ZYX: variants seen among roughly 807,000 people sequenced by gnomAD.
The protein encoded by ZYX is zyxin-2.
Under a neutral mutation model 58.1 loss-of-function variants are expected in ZYX, and 37 were observed. The observed-to-expected ratio is 0.64, with a 90% CI of 0.49 to 0.84. ZYX has a LOEUF of 0.84. Among genes scored for constraint, ZYX ranks in the 40% least tolerant of loss-of-function variants. The pLI is 0.00. For missense variants in ZYX, 762 were observed against 761.6 expected (o/e 1.00, Z -0.01); for synonymous variants, 324 against 321.1 (o/e 1.01, Z -0.10).
In ZYX at chr7:143,381,719, C is replaced by G. The variant is rs935912584; in HGVS notation, c.148C>G (p.Pro50Ala). 1.2e-6 allele frequency: 2 copies of G among 1,602,072 alleles called. No homozygotes were observed. Among genetic ancestry groups the G allele is most frequent in the African/African-American group, 2.7e-5 (2 of 74,478 alleles). Reference sequence around the variant, plus strand: ...CGGGGACAGCGAGCCTCCCCCGGCACCCGGGGCCCAGCGCGCACAGATGGG... The same window carrying G: ...CGGGGACAGCGAGCCTCCCCCGGCAGCCGGGGCCCAGCGCGCACAGATGGG... The part of the protein sequence containing the change: ...RPGDSEPPPA[P>A]GAQRAQMGRV... The change falls in exon 2 of 10, where the codon CCC becomes GCC. Residue 50 changes from proline to alanine, a missense_variant. Physicochemically the swap from Pro to Ala is conservative, Grantham distance 27 (BLOSUM62 -1). Transcript: ENST00000322764.
At chr7:143,385,696 G>C (rs1380624766) in intron 5 of ZYX, among the ~76,000 whole-genome samples, 1 of 112,372 alleles carries the variant, frequency 8.9e-6, no homozygotes, top group African/African-American at 3.3e-5. Flanking sequence ...TGGAGACGGA[G>C]TGCAGGCTGT....
At position 143,390,985 on chromosome 7, in the gene ZYX, G is replaced by A; in HGVS notation, c.*303G>A. ...ACTGCTGCACCCGCGCCCTCGGCCGGCCCCCCGAGCAGCCTTTGTACTCTG... is the reference window on the plus strand; with the variant it reads ...ACTGCTGCACCCGCGCCCTCGGCCGACCCCCCGAGCAGCCTTTGTACTCTG... On this transcript the variant is annotated 3_prime_UTR_variant, in exon 10 of 10. Transcript: ENST00000322764. This position sits in a 1 kb window ranked among gnomAD's most constrained non-coding sequence, Gnocchi z 4.3. 1 of 400,318 alleles carries A rather than the reference G, an allele frequency of 2.5e-6. No individual in the cohort carries two copies. Among genetic ancestry groups the A allele is most frequent in the South Asian group, 2.8e-5 (1 of 36,042 alleles). The allele number at this position is 400,318 out of a possible 1,614,324, so 24.8% of individuals were successfully genotyped here.
chr7:143,383,370 G>T, intron 5 of ZYX, 48 bp downstream of exon 5: 1 of 1,538,004 alleles, frequency 6.5e-7, no homozygotes. Flanking sequence ...CACTGGGGCG[G>T]GGCTGGGTCA....
rs1805041107 is a variant in ZYX, at chr7:143,390,745, C to T, written c.*63C>T. 1.8e-5 allele frequency: 21 copies of T among 1,150,150 alleles called. 1 individual carries two copies. The South Asian group carries it at 2.5e-4, about 14-fold the overall frequency. 71.2% of individuals were successfully genotyped at this position (1,150,150 alleles called of 1,614,324 possible). A position where few individuals can be genotyped will look rare whatever the true frequency, so the allele number is the denominator to read the frequency against. ...CATTGTGGACCACCCACACTGAGAC[C>T]ACCTGCCCCCACCTCAGTTATTGTT... On this transcript the variant is annotated 3_prime_UTR_variant, in exon 10 of 10. Transcript: ENST00000322764. The surrounding 1 kb of genome is among the most constrained non-coding windows in gnomAD (Gnocchi z 4.3).
chr7:143,383,408 T>C lies in ZYX; in HGVS notation c.1023+86T>C, dbSNP rs73456483. ...AGCCAGAGCATAAGCATAAGGTGAT[T>C]GGAGAGTCAGGGTGGACACGGGGGT... On this transcript the variant is annotated intron_variant, in intron 5 of 9. Transcript: ENST00000322764. 3.0e-3 allele frequency: 4,357 copies of C among 1,452,772 alleles called. 93 individuals are homozygous for C. The African/African-American group carries it at 0.052, about 17-fold the overall frequency. 90.0% of individuals were successfully genotyped at this position (1,452,772 alleles called of 1,614,324 possible). A position where few individuals can be genotyped will look rare whatever the true frequency, so the allele number is the denominator to read the frequency against.
chr7:143,385,656 A>ATTTTT (rs1261838329), intron 5 of ZYX, among the ~76,000 whole-genome samples: 1 of 93,252 alleles, frequency 1.1e-5, no homozygotes, highest in Non-Finnish European at 2.1e-5. Context: ...GTGGTGTGGT[A>ATTTTT]TATCTTTTTT....
intron 2 of ZYX, 115 bp from the exon 3 acceptor site, chr7:143,382,133 A>G (rs2116553413): frequency 1.1e-6 from 1 of 901,374 alleles, no homozygotes; most frequent in Non-Finnish European, 1.6e-6. Context: ...GCTTCCCCAC[A>G]CGCTCTGGGA....
Position 143,388,555 on chromosome 7 carries a change from T to C in ZYX, c.1211T>C (p.Leu404Pro). Residue 404 changes from leucine to proline, a missense_variant, in exon 7 of 10, where the codon CTG (leucine) becomes CCG (proline). By Grantham distance (98) the Leu-to-Pro change is moderately conservative. Coordinates refer to ENST00000322764, the MANE Select transcript of ZYX (RefSeq NM_003461.5). This position sits in a 1 kb window ranked among gnomAD's most constrained non-coding sequence, Gnocchi z 7.5. ...CCAGCCGTCCGCGCTCTAGGGCAGC[T>C]GTTCCACATCGCCTGCTTCACCTGC... is the stretch of plus-strand genomic sequence containing the variant. ...AQPAVRALGQ[L>P]FHIACFTCHQ... 1 of 1,611,760 alleles carries C rather than the reference T, an allele frequency of 6.2e-7. No individual in the cohort carries two copies. Among genetic ancestry groups the C allele is most frequent in the Non-Finnish European group, 8.5e-7 (1 of 1,179,980 alleles).
At position 143,381,567 on chromosome 7, in the gene ZYX, C is replaced by G. The variant is rs1804580692; in HGVS notation, c.-5C>G. Reference sequence around the variant, plus strand: ...GGCGACCCACCCCAGCAGCCCGGCCCGGCCATGGCGGCCCCCCGCCCGTCT... The same window carrying G: ...GGCGACCCACCCCAGCAGCCCGGCCGGGCCATGGCGGCCCCCCGCCCGTCT... On this transcript the variant is annotated 5_prime_UTR_variant, in exon 2 of 10. Transcript: ENST00000322764. The G allele has an allele frequency of 6.2e-7, 1 of 1,609,324 alleles. No individual in the cohort carries two copies. The highest frequency in any genetic ancestry group is 8.5e-7 in the Non-Finnish European group (1 of 1,178,338).
At position 143,383,027 on chromosome 7, in the gene ZYX, A is replaced by G; in HGVS notation, c.728A>G (p.Gln243Arg). The G allele has an allele frequency of 6.2e-7, 1 of 1,614,086 alleles. No homozygotes were observed. Among genetic ancestry groups the G allele is most frequent in the South Asian group, 1.1e-5 (1 of 91,078 alleles). Reference sequence around the variant, plus strand: ...CAACTCCATGTCCAGTCCCAGACCCAGCCTGTGTCTTTGGCTAACACCCAG... The same window carrying G: ...CAACTCCATGTCCAGTCCCAGACCCGGCCTGTGTCTTTGGCTAACACCCAG... Reference protein sequence around the residue: ...QVQLHVQSQTQPVSLANTQPR... With the variant: ...QVQLHVQSQTRPVSLANTQPR... The change falls in exon 5 of 10, where the codon CAG becomes CGG. Residue 243 changes from glutamine (Q) to arginine (R), a missense_variant. By Grantham distance (43) the Gln-to-Arg change is conservative. Coordinates refer to ENST00000322764, the MANE Select transcript of ZYX (RefSeq NM_003461.5).
Position 143,389,883 on chromosome 7 carries a change from G to A in ZYX, c.1520G>A (p.Cys507Tyr), listed in dbSNP as rs1482077647. ...CAGTACGCCCCGAGGTGCTCCGTCT[G>A]CTCTGAGCCCATCATGCCTGAGCCT... Reference protein sequence around the residue: ...HKQYAPRCSVCSEPIMPEPGR... With the variant: ...HKQYAPRCSVYSEPIMPEPGR... The change falls in exon 9 of 10, where the codon TGC (cysteine) becomes TAC (tyrosine). Residue 507 changes from cysteine (C) to tyrosine (Y), a missense_variant. Coordinates refer to ENST00000322764, the MANE Select transcript of ZYX (RefSeq NM_003461.5). The surrounding 1 kb of genome is among the most constrained non-coding windows in gnomAD (Gnocchi z 5.6). 6.2e-7 allele frequency: 1 copy of A among 1,614,134 alleles called. No homozygotes were observed. The highest frequency in any genetic ancestry group is 1.1e-5 in the South Asian group (1 of 91,088).
In ZYX at chr7:143,384,993, A is replaced by G. The variant is rs114797432; in HGVS notation, c.1023+1671A>G. Among the ~76,000 whole-genome samples the G allele has an allele frequency of 0.013, 1,906 of 152,190 alleles. 43 individuals are homozygous for G. Among genetic ancestry groups the G allele is most frequent in the African/African-American group, 0.044 (1,825 of 41,502 alleles). ...GGTAGTGGGGCACAGTGACACTGTG[A>G]CGCTGGAGGGTCAGGGTCGGAGCGG... On this transcript the variant is annotated intron_variant, in intron 5 of 9. Coordinates refer to ENST00000322764, the MANE Select transcript of ZYX (RefSeq NM_003461.5). The surrounding 1 kb of genome is among the most constrained non-coding windows in gnomAD (Gnocchi z 4.9).
chr7:143,388,530 C>T lies in ZYX; in HGVS notation c.1186C>T (p.Pro396Ser), dbSNP rs749076750. 2 of 1,610,652 alleles carry T rather than the reference C, an allele frequency of 1.2e-6. No homozygotes were observed. The highest frequency in any genetic ancestry group is 2.2e-5 in the South Asian group (2 of 91,076). ...RCHQPLARAQ[P>S]AVRALGQLFH... ...CCATCAACCCCTGGCCCGGGCGCAG[C>T]CAGCCGTCCGCGCTCTAGGGCAGCT... Residue 396 changes from proline (P) to serine (S), a missense_variant, in exon 7 of 10, where the codon CCA (proline) becomes TCA (serine). Transcript: ENST00000322764. This position sits in a 1 kb window ranked among gnomAD's most constrained non-coding sequence, Gnocchi z 7.5.
Position 143,387,188 on chromosome 7 carries a change from A to C in ZYX, c.1024-1031A>C, listed in dbSNP as rs1804892268. On this transcript the variant is annotated intron_variant, in intron 5 of 9. Coordinates refer to ENST00000322764, the MANE Select transcript of ZYX (RefSeq NM_003461.5). The surrounding 1 kb of genome is among the most constrained non-coding windows in gnomAD (Gnocchi z 5.8). ...GGCTAAGATCTGGAGAGTTGGACTT[A>C]TATGGACGCATGCTTCACTGGGCAG... 6.6e-6 allele frequency among the ~76,000 whole-genome samples: 1 copy of C among 152,096 alleles called. No individual in the cohort carries two copies. The highest frequency in any genetic ancestry group is 1.5e-5 in the Non-Finnish European group (1 of 68,022).
chr7:143,382,227 T>G, intron 2 of ZYX, 21 bp from the exon 3 acceptor site: 4 of 1,608,278 alleles, frequency 2.5e-6, no homozygotes, highest in Non-Finnish European at 3.4e-6. Flanking sequence ...CCGGCCGACG[T>G]CTTTCTCCTT....
In ZYX at chr7:143,390,311, T is replaced by C. The variant is rs2116600701; in HGVS notation, c.1615-267T>C. 3.6e-6 allele frequency: 2 copies of C among 557,946 alleles called. No individual in the cohort carries two copies. The highest frequency in any genetic ancestry group is 6.1e-5 in the East Asian group (2 of 32,854). 34.6% of individuals were successfully genotyped at this position (557,946 alleles called of 1,614,324 possible). ...GTCTTCGAATGGAGGTGAGCCAACC[T>C]CTATTTTATTAGGGTGGTGGTGGGC... is the stretch of plus-strand genomic sequence containing the variant. On this transcript the variant is annotated intron_variant, in intron 9 of 9. Transcript: ENST00000322764. This position sits in a 1 kb window ranked among gnomAD's most constrained non-coding sequence, Gnocchi z 4.3.
At chr7:143,382,221 C>A (rs1380071958) in intron 2 of ZYX, 27 bp from the exon 3 acceptor site, 3 of 1,601,564 alleles carry the variant, frequency 1.9e-6, no homozygotes, top group Admixed American at 1.7e-5. Context: ...GGGACCCCGG[C>A]CGACGTCTTT....
intron 5 of ZYX, among the ~76,000 whole-genome samples, chr7:143,385,492 ATGTGTGCATGTGTGAGTGAAGG>A (rs762022428): frequency 1.4e-3 from 206 of 150,944 alleles, no homozygotes; most frequent in Non-Finnish European, 2.4e-3. Context: ...ATATGAGTAC[ATGTGTGCATGTGTGAGTGAAGG>A]TGTGTGCATG....
rs753911301 is a variant in ZYX at position 143,388,667 on chromosome 7, G to A, written c.1314+9G>A. The A allele has an allele frequency of 4.6e-5, 73 of 1,599,464 alleles. No homozygotes were observed. The South Asian group carries it at 7.6e-4, about 17-fold the overall frequency. On this transcript the variant is annotated intron_variant, in intron 7 of 9. Transcript: ENST00000322764. The surrounding 1 kb of genome is among the most constrained non-coding windows in gnomAD (Gnocchi z 7.5). ...GCGAGGGCTGTTACACTGTGAGTCG[G>A]GCTGTGCTGGGCTGTGCTGGGCTGT...
Sources: gnomAD v4.1 joint callset for allele counts (sites outside exome capture counted in the v4.1 genomes callset) on GRCh38, gnomAD v4.1.1 for gene constraint, Gnocchi (gnomAD v3.1) non-coding constraint, MANE v1.5 for transcripts, NCBI Gene and HGNC (gene_info 2026-07-23, HGNC 2026-07-21) for gene names.